The following EBAG9 variants were observed in gnomAD, a reference collection of about 807,000 sequenced individuals.
EBAG9 encodes the protein receptor-binding cancer antigen expressed on SiSo cells.
In EBAG9, 16 loss-of-function variants were observed where a neutral mutation model predicts 30.9. The observed-to-expected ratio is 0.52, with a 90% CI of 0.35 to 0.79. The LOEUF is 0.79. Ranked by LOEUF, EBAG9 falls within the 30% of genes least tolerant of loss-of-function variation. The pLI, the probability that EBAG9 is intolerant of heterozygous loss-of-function variation, is 0.01. For missense variants in EBAG9, 197 were observed against 242.1 expected, an observed-to-expected ratio of 0.81 and a Z score of 1.24; for synonymous variants, 93 against 82.8, an observed-to-expected ratio of 1.12 and a Z score of -0.67.
chr8:109,552,089 A>G (rs1821506220), intron 2 of EBAG9, among the ~76,000 whole-genome samples: 1 of 152,030 alleles, frequency 6.6e-6, no homozygotes, highest in Non-Finnish European at 1.5e-5. Flanking sequence ...TTTAATATAT[A>G]TAGACATGAC....
rs2131090985 is a variant in EBAG9 at position 109,540,345 on chromosome 8, A to G, written c.-132A>G. The stretch of plus-strand genomic sequence containing the variant: ...CCAGGCCGATTTTTCCACAATTTAA[A>G]TCTCAGTTCACCTGGTATCCAGCTC... On this transcript the variant is annotated 5_prime_UTR_variant, in exon 1 of 7. Transcript: ENST00000337573. 1 of 152,124 alleles carries G rather than the reference A, an allele frequency of 6.6e-6. No homozygotes were observed. Among genetic ancestry groups the G allele is most frequent in the East Asian group, 1.9e-4 (1 of 5,132 alleles). The allele number at this position is 152,124 out of a possible 1,614,324, so 9.4% of individuals were successfully genotyped here.
intron 1 of EBAG9, among the ~76,000 whole-genome samples, chr8:109,547,738 C>G (rs1335219762): frequency 6.6e-6 from 1 of 152,080 alleles, no homozygotes; most frequent in African/African-American, 2.4e-5. Context: ...CCTCGGCCTC[C>G]CAAAGTGCTG....
chr8:109,560,931 T>C lies in EBAG9; in HGVS notation c.521+2T>C. Reference sequence around the variant, plus strand: ...CTGGCAAGCAGAAGAAGTTCTGAGGTATTTGAGTGGCATTTATATTGCAAC... The same window carrying C: ...CTGGCAAGCAGAAGAAGTTCTGAGGCATTTGAGTGGCATTTATATTGCAAC... On this transcript the variant is annotated splice_donor_variant, in intron 6 of 6. Coordinates refer to ENST00000337573, the MANE Select transcript of EBAG9 (RefSeq NM_004215.5). LOFTEE classifies it high-confidence loss of function. 6.2e-7 allele frequency: 1 copy of C among 1,610,022 alleles called. No homozygotes were observed. The highest frequency in any genetic ancestry group is 1.3e-5 in the African/African-American group (1 of 74,896).
intron 6 of EBAG9, among the ~76,000 whole-genome samples, chr8:109,563,151 A>G (rs918621597): frequency 1.3e-5 from 2 of 152,098 alleles, no homozygotes; most frequent in Non-Finnish European, 2.9e-5. Context: ...AATGTTGCCA[A>G]AAATAGTTTC....
At chr8:109,547,274 A>C (rs1269303283) in intron 1 of EBAG9, among the ~76,000 whole-genome samples, 1 of 152,168 alleles carries the variant, frequency 6.6e-6, no homozygotes, top group Non-Finnish European at 1.5e-5. Context: ...TTGTTTTTCA[A>C]AGTGGTTGTA....
At position 109,564,288 on chromosome 8, in the gene EBAG9, A is replaced by C; in HGVS notation, c.522-151A>C. On this transcript the variant is annotated intron_variant, in intron 6 of 6. Transcript: ENST00000337573. ...ACTAAGAGAAATCCTGTTTTTGAAAATATTTGGAATTTTCAAATTAGTGAG... is the reference window on the plus strand; with the variant it reads ...ACTAAGAGAAATCCTGTTTTTGAAACTATTTGGAATTTTCAAATTAGTGAG... 8 of 984,070 alleles carry C rather than the reference A, an allele frequency of 8.1e-6. No individual in the cohort carries two copies. In the South Asian group the frequency reaches 1.3e-4, roughly 15 times the overall value. 61.0% of individuals were successfully genotyped at this position (984,070 alleles called of 1,614,324 possible). A position where few individuals can be genotyped will look rare whatever the true frequency, so the allele number is the denominator to read the frequency against.
intron 1 of EBAG9, among the ~76,000 whole-genome samples, chr8:109,540,901 C>T (rs760052547): frequency 2.0e-5 from 3 of 152,092 alleles, no homozygotes; most frequent in Non-Finnish European, 1.5e-5. Context: ...ATGTACCGAA[C>T]ATAGATTTTG....
intron 1 of EBAG9, among the ~76,000 whole-genome samples, chr8:109,549,372 G>A (rs571730946): frequency 6.6e-6 from 1 of 151,982 alleles, no homozygotes; most frequent in African/African-American, 2.4e-5. Context: ...TAATATCTTT[G>A]GATTAGTATC....
chr8:109,561,004 G>A (rs545714030), intron 6 of EBAG9, 75 bp downstream of exon 6: 1 of 1,307,428 alleles, frequency 7.6e-7, no homozygotes, highest in East Asian at 2.5e-5. Context: ...CAAGTCAAGG[G>A]AGCCTATTTT....
intron 4 of EBAG9, among the ~76,000 whole-genome samples, chr8:109,556,428 G>A (rs1821598768): frequency 6.6e-6 from 1 of 152,060 alleles, no homozygotes; most frequent in African/African-American, 2.4e-5. Context: ...CTTGCATTGT[G>A]GAAGTATACT....
At chr8:109,542,234 T>G (rs1014831222) in intron 1 of EBAG9, among the ~76,000 whole-genome samples, 5 of 152,136 alleles carry the variant, frequency 3.3e-5, no homozygotes, top group African/African-American at 1.2e-4. Context: ...TCTTGATTGC[T>G]AGGGAGAGAA....
At chr8:109,558,640 C>T (rs1821650556) in intron 5 of EBAG9, among the ~76,000 whole-genome samples, 1 of 151,916 alleles carries the variant, frequency 6.6e-6, no homozygotes, top group Non-Finnish European at 1.5e-5. Flanking sequence ...GAGAATGTCT[C>T]CACTGCTATT....
intron 5 of EBAG9, chr8:109,557,748 G>T: frequency 2.2e-6 from 1 of 453,246 alleles, no homozygotes; most frequent in Non-Finnish European, 4.4e-6. Context: ...ATTGGGTTGG[G>T]GCTACAATCA....
chr8:109,554,586 G>A lies in EBAG9; in HGVS notation c.163-143G>A, dbSNP rs1253069804. The A allele has an allele frequency of 4.4e-6, 3 of 678,150 alleles. No individual in the cohort carries two copies. In the Admixed American group the frequency reaches 9.0e-5, roughly 20 times the overall value. 42.0% of individuals were successfully genotyped at this position (678,150 alleles called of 1,614,324 possible). A position where few individuals can be genotyped will look rare whatever the true frequency, so the allele number is the denominator to read the frequency against. On this transcript the variant is annotated intron_variant, in intron 3 of 6. Transcript: ENST00000337573. ...TGAACTTTTGATCAAGTTTTGATCT[G>A]TGATATGAAATGTATGTTTTCCCGT...
At chr8:109,558,188 C>T (rs1442857990) in intron 5 of EBAG9, among the ~76,000 whole-genome samples, 2 of 152,132 alleles carry the variant, frequency 1.3e-5, no homozygotes, top group Non-Finnish European at 2.9e-5. Context: ...TCCCTCTTCC[C>T]AGGGGACCCA....
In EBAG9 at chr8:109,565,321, A is replaced by C. The variant is rs1042135441; in HGVS notation, c.*762A>C. ...ATTAGTAGTTTTTTCCTTTCATTAT[A>C]GATTGTAAGATGTTGTGGTATCTTT... On this transcript the variant is annotated 3_prime_UTR_variant, in exon 7 of 7. Transcript: ENST00000337573. 23 of 152,334 alleles carry C rather than the reference A, an allele frequency of 1.5e-4. No individual in the cohort carries two copies. Among genetic ancestry groups the C allele is most frequent in the African/African-American group, 4.6e-4 (19 of 41,554 alleles). 9.4% of individuals were successfully genotyped at this position (152,334 alleles called of 1,614,324 possible). A position where few individuals can be genotyped will look rare whatever the true frequency, so the allele number is the denominator to read the frequency against.
chr8:109,560,818 T>G lies in EBAG9; in HGVS notation c.430-20T>G. On this transcript the variant is annotated intron_variant, in intron 5 of 6. Coordinates refer to ENST00000337573, the MANE Select transcript of EBAG9 (RefSeq NM_004215.5). ...AGGATGGCTTTTACTCTCTTAATTT[T>G]GTTTTACTTTTCATTGTAGTCTGAA... 1 of 1,574,754 alleles carries G rather than the reference T, an allele frequency of 6.4e-7. No homozygotes were observed. Among genetic ancestry groups the G allele is most frequent in the Non-Finnish European group, 8.7e-7 (1 of 1,145,882 alleles).
chr8:109,564,646 G>A lies in EBAG9; in HGVS notation c.*87G>A. 1 of 1,548,540 alleles carries A rather than the reference G, an allele frequency of 6.5e-7. No homozygotes were observed. The highest frequency in any genetic ancestry group is 8.8e-7 in the Non-Finnish European group (1 of 1,141,416). ...TTGTATGGATTTAAGAGTATTTTAA[G>A]AAGACATACTGCTTGATTTTAATAC... On this transcript the variant is annotated 3_prime_UTR_variant, in exon 7 of 7. Transcript: ENST00000337573.
intron 6 of EBAG9, chr8:109,563,386 T>A: frequency 6.3e-7 from 1 of 1,596,302 alleles, no homozygotes; most frequent in South Asian, 1.1e-5. Context: ...TCTCACACCC[T>A]AACCCTTCAG....
Sources: gnomAD v4.1 joint callset for allele counts (sites outside exome capture counted in the v4.1 genomes callset) on GRCh38, gnomAD v4.1.1 for gene constraint, MANE v1.5 for transcripts, NCBI Gene and HGNC (gene_info 2026-07-23, HGNC 2026-07-21) for gene names.